Variants in RALYL observed in about 807,000 individuals in gnomAD.
RALYL encodes the protein RNA-binding Raly-like protein.
Under a neutral mutation model 35.1 loss-of-function variants are expected in RALYL, and 29 were observed. The ratio of observed to expected loss-of-function variants is 0.83; its 90% CI spans 0.61 to 1.13. RALYL has a LOEUF of 1.13. RALYL is among the 50% of genes most tolerant of loss of function. The pLI is 0.00. For synonymous variants in RALYL, 120 were observed against 127.6 expected (o/e 0.94, Z 0.40); for missense variants, 359 against 360.4 (o/e 1.00, Z 0.03).
chr8:84,244,490 T>C (rs1251796834), intron 1 of RALYL, among the ~76,000 whole-genome samples: 1 of 152,210 alleles, frequency 6.6e-6, no homozygotes, highest in Non-Finnish European at 1.5e-5. Flanking sequence ...AAGAGTCTTC[T>C]TCCTTCCAGT....
At chr8:84,387,803 C>CTT (rs112006834) in intron 1 of RALYL, among the ~76,000 whole-genome samples, 76 of 135,532 alleles carry the variant, frequency 5.6e-4, no homozygotes, top group Middle Eastern at 3.8e-3. Flanking sequence ...TTCTTTCTTT[C>CTT]TTTTTTTTTT....
intron 2 of RALYL, among the ~76,000 whole-genome samples, chr8:84,555,018 C>T (rs567934659): frequency 3.9e-5 from 6 of 152,146 alleles, no homozygotes; most frequent in African/African-American, 9.6e-5. Context: ...CAGTGGCTCA[C>T]GCCTGTAATC....
At chr8:84,219,240 G>A (rs777209938) in intron 1 of RALYL, among the ~76,000 whole-genome samples, 1 of 152,058 alleles carries the variant, frequency 6.6e-6, no homozygotes, top group Non-Finnish European at 1.5e-5. Flanking sequence ...TCTCCAGGCT[G>A]TTCTTGTGAT....
intron 4 of RALYL, among the ~76,000 whole-genome samples, chr8:84,811,527 G>T (rs1393598856): frequency 6.6e-6 from 1 of 152,136 alleles, no homozygotes; most frequent in Non-Finnish European, 1.5e-5. Flanking sequence ...CTTCCCAGGT[G>T]TTCTTTGTGC....
intron 5 of RALYL, among the ~76,000 whole-genome samples, chr8:84,861,292 G>A (rs1335321271): frequency 6.6e-6 from 1 of 152,086 alleles, no homozygotes; most frequent in Non-Finnish European, 1.5e-5. Context: ...ATGAGGAAAT[G>A]TATCCCAGTA....
intron 1 of RALYL, among the ~76,000 whole-genome samples, chr8:84,283,063 T>A (rs568484909): frequency 1.3e-5 from 2 of 152,114 alleles, no homozygotes; most frequent in Non-Finnish European, 2.9e-5. Context: ...AGCTCCTTTT[T>A]AAGAAAAGAA....
intron 2 of RALYL, among the ~76,000 whole-genome samples, chr8:84,765,130 C>A (rs894195554): frequency 1.3e-5 from 2 of 152,190 alleles, no homozygotes; most frequent in Admixed American, 1.3e-4. Flanking sequence ...GAATTTTCTT[C>A]TCCTCTGCTG....
At chr8:84,482,159 A>T (rs1343136926) in intron 1 of RALYL, among the ~76,000 whole-genome samples, 1 of 152,082 alleles carries the variant, frequency 6.6e-6, no homozygotes, top group African/African-American at 2.4e-5. Context: ...GAAATTTTTA[A>T]AAATAATAAA....
intron 1 of RALYL, among the ~76,000 whole-genome samples, chr8:84,454,309 T>G (rs942250809): frequency 6.6e-6 from 1 of 151,902 alleles, no homozygotes; most frequent in African/African-American, 2.4e-5. Context: ...GCTCTGTGTT[T>G]GTTTGAGGAG....
chr8:84,381,300 A>G (rs893316143), intron 1 of RALYL, among the ~76,000 whole-genome samples: 1 of 151,846 alleles, frequency 6.6e-6, no homozygotes, highest in Admixed American at 6.6e-5. Flanking sequence ...TGAATTGTGT[A>G]TGTGTGTATA....
chr8:84,635,156 TA>T (rs113321202), intron 2 of RALYL, among the ~76,000 whole-genome samples: 1,590 of 151,784 alleles, frequency 0.01, 27 homozygotes, highest in African/African-American at 0.036. Context: ...GTACTTTACA[TA>T]TTTTTTTTAT....
rs1290281801 is a variant in RALYL at position 84,649,668 on chromosome 8, G to A, written c.256+120091G>A. Among the ~76,000 whole-genome samples, 3 of 152,068 alleles carry A rather than the reference G, an allele frequency of 2.0e-5. No individual in the cohort carries two copies. The South Asian group carries it at 6.2e-4, about 31-fold the overall frequency. The stretch of plus-strand genomic sequence containing the variant: ...TCTGTTTTGGTACCAGTACCATGCT[G>A]TTTTGGTTCCTGTAGCCTTGTAGTA... On this transcript the variant is annotated intron_variant, in intron 2 of 8. Coordinates refer to ENST00000521268, the MANE Select transcript of RALYL (RefSeq NM_173848.7).
intron 2 of RALYL, among the ~76,000 whole-genome samples, chr8:84,650,820 C>G (rs1307844816): frequency 4.6e-5 from 7 of 152,024 alleles, no homozygotes; most frequent in East Asian, 1.9e-4. Context: ...TTGGAACCAA[C>G]CCAAATGTCC....
chr8:84,263,364 C>T (rs975916109), intron 1 of RALYL, among the ~76,000 whole-genome samples: 5 of 152,102 alleles, frequency 3.3e-5, no homozygotes, highest in South Asian at 2.1e-4. Flanking sequence ...TTGACTTACA[C>T]AACAGGAAGT....
At chr8:84,468,914 C>A (rs1407665133) in intron 1 of RALYL, among the ~76,000 whole-genome samples, 1 of 151,562 alleles carries the variant, frequency 6.6e-6, no homozygotes, top group Middle Eastern at 3.2e-3. Flanking sequence ...TTGCTGATAC[C>A]CTTTCTTCCA....
At chr8:84,494,614 G>C (rs1282725143) in intron 1 of RALYL, among the ~76,000 whole-genome samples, 1 of 151,842 alleles carries the variant, frequency 6.6e-6, no homozygotes, top group Admixed American at 6.6e-5. Context: ...GCTCCTTCAT[G>C]TCCCTTGTAG....
At chr8:84,343,442 G>T (rs2130927177) in intron 1 of RALYL, among the ~76,000 whole-genome samples, 1 of 151,976 alleles carries the variant, frequency 6.6e-6, no homozygotes, top group South Asian at 2.1e-4. Context: ...ATACAAAATT[G>T]AAAAACTGGA....
chr8:84,501,519 A>G (rs1289828705), intron 1 of RALYL, among the ~76,000 whole-genome samples: 9 of 152,062 alleles, frequency 5.9e-5, no homozygotes, highest in Admixed American at 5.2e-4. Context: ...CTGTGATGTC[A>G]TGGTCATTTC....
chr8:84,634,821 T>C (rs1824692353), intron 2 of RALYL, among the ~76,000 whole-genome samples: 1 of 151,690 alleles, frequency 6.6e-6, no homozygotes, highest in Non-Finnish European at 1.5e-5. Flanking sequence ...ACCACTCCGA[T>C]TTTTCTTGAA....
Sources: gnomAD v4.1 joint callset for allele counts (sites outside exome capture counted in the v4.1 genomes callset) on GRCh38, gnomAD v4.1.1 for gene constraint, MANE v1.5 for transcripts, NCBI Gene and HGNC (gene_info 2026-07-23, HGNC 2026-07-21) for gene names.